NDUFA10: variants seen among roughly 807,000 people sequenced by gnomAD.
NDUFA10 encodes the protein NADH dehydrogenase [ubiquinone] 1 alpha subcomplex subunit 10, mitochondrial.
Under a neutral mutation model 47.8 loss-of-function variants are expected in NDUFA10, and 40 were observed. That is an observed-to-expected ratio of 0.84 (90% CI 0.65 to 1.09). NDUFA10 has a LOEUF of 1.09. Among genes scored for constraint, NDUFA10 ranks in the 50% least tolerant of loss-of-function variants. The probability of loss-of-function intolerance (pLI) is 0.00; values close to 1 mark genes in which losing one functional copy is unlikely to be tolerated. For missense variants in NDUFA10, 413 were observed against 451.1 expected, an observed-to-expected ratio of 0.92 and a Z score of 0.76; for synonymous variants, 183 against 172.2, an observed-to-expected ratio of 1.06 and a Z score of -0.49.
At chr2:239,927,759 G>A (rs531591829) in intron 4 of NDUFA10, among the ~76,000 whole-genome samples, 1 of 152,282 alleles carries the variant, frequency 6.6e-6, no homozygotes, top group African/African-American at 2.4e-5. Flanking sequence ...GGCGACTGGG[G>A]ACAGCCTGAG....
chr2:239,939,124 C>T (rs934879319), intron 4 of NDUFA10, among the ~76,000 whole-genome samples: 5 of 152,206 alleles, frequency 3.3e-5, no homozygotes, highest in Non-Finnish European at 5.9e-5. Flanking sequence ...GGAGGATCCT[C>T]GGACCCGCGG....
In NDUFA10 at chr2:239,983,451, AT is replaced by A. The variant is rs35045815; in HGVS notation, c.999+6622del. 5.3e-5 allele frequency: 81 copies of A among 1,518,648 alleles called. No homozygotes were observed. In the East Asian group the frequency reaches 1.4e-3, roughly 26 times the overall value. The allele number at this position is 1,518,648 out of a possible 1,614,324, so 94.1% of individuals were successfully genotyped here. A position where few individuals can be genotyped will look rare whatever the true frequency, so the allele number is the denominator to read the frequency against. ...TATTACTATTTAATTTCAACTGATC[AT>A]TTTTTAATATCAAGCAACCGAATTT... On this transcript the variant is annotated intron_variant, in intron 9 of 9. Transcript: ENST00000252711.
intron 9 of NDUFA10, among the ~76,000 whole-genome samples, chr2:239,976,096 A>T (rs936462455): frequency 4.6e-5 from 7 of 152,222 alleles, no homozygotes; most frequent in African/African-American, 1.4e-4. Context: ...TTCAAATTCC[A>T]ACATCTCTGA....
chr2:239,960,984 A>G lies in NDUFA10; in HGVS notation c.*134T>C. ...ACTACAGGATGGATTGCTTTTTGTGAGACCCCTTCTTCCACTGTGCAATTT... is the reference window on the plus strand; with the variant it reads ...ACTACAGGATGGATTGCTTTTTGTGGGACCCCTTCTTCCACTGTGCAATTT... On this transcript the variant is annotated 3_prime_UTR_variant, in exon 10 of 10. Transcript: ENST00000252711. 6.5e-7 allele frequency: 1 copy of G among 1,543,146 alleles called. No homozygotes were observed.
At chr2:239,963,508 A>T (rs1694939442) in intron 9 of NDUFA10, among the ~76,000 whole-genome samples, 1 of 152,106 alleles carries the variant, frequency 6.6e-6, no homozygotes, top group African/African-American at 2.4e-5. Context: ...TAGACCGGGG[A>T]GCAGTGACGG....
rs117515898 is a variant in NDUFA10 at position 239,920,971 on chromosome 2, G to A, written c.295-25657C>T. On this transcript the variant is annotated intron_variant, in intron 4 of 5. Coordinates refer to the NDUFA10 transcript ENST00000419408. ...TCAGGTATCCTGGGGAAGGCTGAAT[G>A]CCTAGAGATGATTGTCCAGGAAGTA... 1.0e-3 allele frequency among the ~76,000 whole-genome samples: 157 copies of A among 152,294 alleles called. 2 individuals are homozygous for A. In the East Asian group the frequency reaches 0.029, roughly 28 times the overall value.
chr2:239,962,215 AC>A (rs1694882274), intron 9 of NDUFA10, among the ~76,000 whole-genome samples: 1 of 142,500 alleles, frequency 7.0e-6, no homozygotes, highest in Non-Finnish European at 1.5e-5. Context: ...TTGTGTACAC[AC>A]ACACACACAC....
At chr2:240,005,358 CT>C (rs1010991328) in intron 7 of NDUFA10, 63 bp from the exon 8 acceptor site, 190 of 1,392,260 alleles carry the variant, frequency 1.4e-4, no homozygotes, top group Middle Eastern at 1.8e-4. Flanking sequence ...AATGAAATAA[CT>C]TTTTTTTGAG....
intron 4 of NDUFA10, among the ~76,000 whole-genome samples, chr2:239,930,923 T>A (rs1264113887): frequency 1.6e-5 from 1 of 64,218 alleles, no homozygotes; most frequent in Non-Finnish European, 3.1e-5. Context: ...GGCCGCAGGG[T>A]CCTGGTGGAC....
intron 4 of NDUFA10, among the ~76,000 whole-genome samples, chr2:239,910,861 T>A (rs1448762477): frequency 2.0e-5 from 3 of 152,224 alleles, no homozygotes; most frequent in Non-Finnish European, 2.9e-5. Flanking sequence ...CAGTATTTCC[T>A]TCTGGAGGCC....
chr2:239,936,197 T>A (rs11674432), intron 4 of NDUFA10, among the ~76,000 whole-genome samples: 21,486 of 152,190 alleles, frequency 0.14, 1,604 homozygotes, highest in South Asian at 0.2. Flanking sequence ...GGGCAGCAGA[T>A]GCCCTGTGCA....
intron 9 of NDUFA10, among the ~76,000 whole-genome samples, chr2:239,984,745 C>A (rs1487386699): frequency 2.6e-5 from 4 of 152,226 alleles, no homozygotes; most frequent in African/African-American, 4.8e-5. Flanking sequence ...CCCTGGATGC[C>A]AAGGTCCAGA....
At chr2:239,898,971 T>C (rs1182040120) in intron 4 of NDUFA10, among the ~76,000 whole-genome samples, 3 of 113,690 alleles carry the variant, frequency 2.6e-5, no homozygotes, top group Middle Eastern at 5.8e-3. Flanking sequence ...CAGGGTGTGA[T>C]GAAGAGGTAT....
At chr2:239,911,678 TGC>T (rs1491577608) in intron 4 of NDUFA10, among the ~76,000 whole-genome samples, 33 of 150,648 alleles carry the variant, frequency 2.2e-4, no homozygotes, top group Non-Finnish European at 2.7e-4. Context: ...AGAGTGTGTG[TGC>T]GTGTGTGTGT....
At chr2:239,908,252 TG>T (rs1211866771) in intron 4 of NDUFA10, among the ~76,000 whole-genome samples, 1 of 124,282 alleles carries the variant, frequency 8.0e-6, no homozygotes, top group Non-Finnish European at 1.7e-5. Flanking sequence ...TGTTGTGGGG[TG>T]GGGGGAGAGG....
intron 9 of NDUFA10, among the ~76,000 whole-genome samples, chr2:239,974,509 C>T (rs1210760679): frequency 1.3e-5 from 2 of 152,268 alleles, no homozygotes; most frequent in Non-Finnish European, 2.9e-5. Flanking sequence ...TGGATGTCCC[C>T]TCCAAATCTC....
At chr2:239,957,087 G>T (rs1284569628), downstream of NDUFA10, among the ~76,000 whole-genome samples, 2 of 152,192 alleles carry the variant, frequency 1.3e-5, no homozygotes, top group African/African-American at 4.8e-5. Context: ...CCTCCTTGCG[G>T]CTCAGACACC....
intron 6 of NDUFA10, among the ~76,000 whole-genome samples, chr2:240,008,995 A>T (rs985942647): frequency 6.6e-6 from 1 of 152,204 alleles, no homozygotes; most frequent in African/African-American, 2.4e-5. Context: ...GGAGTCAGGG[A>T]TCTGGAGGAA....
chr2:239,896,197 G>C (rs112910514), intron 4 of NDUFA10, among the ~76,000 whole-genome samples: 3 of 152,218 alleles, frequency 2.0e-5, no homozygotes, highest in Admixed American at 6.5e-5. Context: ...CCAATGCCGC[G>C]TGTGAATGGA....
Sources: allele counts gnomAD v4.1 joint callset (sites outside exome capture counted in the v4.1 genomes callset), GRCh38; gene constraint gnomAD v4.1.1; transcripts MANE v1.5; gene names NCBI Gene and HGNC (gene_info 2026-07-23, HGNC 2026-07-21).